The following KCTD16 variants were observed in gnomAD, a reference collection of about 807,000 sequenced individuals.
The protein encoded by KCTD16 is potassium channel tetramerization domain containing 16.
KCTD16 carries 13 observed loss-of-function variants against 33.2 expected under a neutral mutation model. The ratio of observed to expected loss-of-function variants is 0.39; its 90% confidence interval spans 0.25 to 0.62. The LOEUF (loss-of-function observed/expected upper bound fraction) is 0.62, where lower values mean the gene tolerates loss of function less well. Among genes scored for constraint, KCTD16 ranks in the 20% least tolerant of loss-of-function variants. The pLI, the probability that KCTD16 is intolerant of heterozygous loss-of-function variation, is 0.50. For missense variants in KCTD16, 441 were observed against 525.1 expected (o/e 0.84, Z 1.57); for synonymous variants, 197 against 195.3 (o/e 1.01, Z -0.07).
chr5:144,213,942 T>C (rs1454379445), intron 3 of KCTD16, among the ~76,000 whole-genome samples: 1 of 152,208 alleles, frequency 6.6e-6, no homozygotes, highest in Non-Finnish European at 1.5e-5. Context: ...CTTACCAAGA[T>C]GTGCAGTGGG....
chr5:144,425,340 C>T (rs1055820057), intron 3 of KCTD16, among the ~76,000 whole-genome samples: 1 of 151,960 alleles, frequency 6.6e-6, no homozygotes, highest in Non-Finnish European at 1.5e-5. Flanking sequence ...AGGCCTATAG[C>T]CTTGTTGGGC....
At chr5:144,352,447 AAC>A (rs1282630372) in intron 3 of KCTD16, among the ~76,000 whole-genome samples, 9 of 152,178 alleles carry the variant, frequency 5.9e-5, no homozygotes, top group African/African-American at 1.9e-4. Flanking sequence ...TCCCACCCCA[AAC>A]ACTGGTGACA....
chr5:144,280,215 T>A (rs115308627), intron 3 of KCTD16, among the ~76,000 whole-genome samples: 4,398 of 152,280 alleles, frequency 0.029, 94 homozygotes, highest in Middle Eastern at 0.061. Flanking sequence ...TCCTTTCCTA[T>A]TTTCTGGAAG....
intron 3 of KCTD16, chr5:144,383,087 T>A (rs564211503): frequency 1.3e-5 from 2 of 152,294 alleles, no homozygotes; most frequent in Non-Finnish European, 2.9e-5. Context: ...AACCTGCAAA[T>A]TCACTGTCTG....
chr5:144,360,255 C>T (rs1450788840), intron 3 of KCTD16, among the ~76,000 whole-genome samples: 1 of 152,110 alleles, frequency 6.6e-6, no homozygotes, highest in Non-Finnish European at 1.5e-5. Context: ...CCCCTAGCCT[C>T]CTACCCCCCA....
chr5:144,200,690 C>T (rs886174546), intron 2 of KCTD16, among the ~76,000 whole-genome samples: 3 of 152,204 alleles, frequency 2.0e-5, no homozygotes, highest in African/African-American at 2.4e-5. Flanking sequence ...AGGCTAAATA[C>T]GGCACTAGGG....
intron 1 of KCTD16, among the ~76,000 whole-genome samples, chr5:144,172,801 G>A (rs1443713962): frequency 1.3e-5 from 2 of 152,092 alleles, no homozygotes; most frequent in African/African-American, 4.8e-5. Flanking sequence ...ATGAAGCTGT[G>A]TTTCGAGTCA....
At chr5:144,421,238 C>CA (rs1181145974) in intron 3 of KCTD16, among the ~76,000 whole-genome samples, 1 of 152,050 alleles carries the variant, frequency 6.6e-6, no homozygotes, top group Admixed American at 6.6e-5. Context: ...CAAAACAAAA[C>CA]AAAAAACAAA....
intron 3 of KCTD16, among the ~76,000 whole-genome samples, chr5:144,372,300 G>T (rs1156465656): frequency 6.6e-6 from 1 of 151,932 alleles, no homozygotes. Flanking sequence ...CCCTATGGTG[G>T]TTTCAGAGTA....
chr5:144,484,813 T>A lies in KCTD16; in HGVS notation c.*10699T>A, dbSNP rs1455918874. On this transcript the variant is annotated 3_prime_UTR_variant, in exon 4 of 4. Transcript: ENST00000512467. ...ACAAGTGACACCCAATGAAATTACC[T>A]CTTCTCCTTTCCAATGCAGTTCGCT... The A allele has an allele frequency of 2.0e-5, 3 of 152,102 alleles. No homozygotes were observed. The East Asian group carries it at 5.8e-4, about 30-fold the overall frequency. 9.4% of individuals were successfully genotyped at this position (152,102 alleles called of 1,614,324 possible). A position where few individuals can be genotyped will look rare whatever the true frequency, so the allele number is the denominator to read the frequency against.
intron 3 of KCTD16, among the ~76,000 whole-genome samples, chr5:144,243,750 T>C (rs1306225633): frequency 1.3e-5 from 2 of 151,508 alleles, no homozygotes; most frequent in Non-Finnish European, 2.9e-5. Context: ...TTTTGTTTTG[T>C]TTTTTTTAGA....
intron 2 of KCTD16, among the ~76,000 whole-genome samples, chr5:144,201,320 C>G (rs1753040699): frequency 6.6e-6 from 1 of 152,192 alleles, no homozygotes; most frequent in Admixed American, 6.5e-5. Flanking sequence ...CACCCCATCT[C>G]CCTCACCAAA....
intron 3 of KCTD16, among the ~76,000 whole-genome samples, chr5:144,344,596 A>G (rs1283938361): frequency 1.3e-5 from 2 of 151,606 alleles, no homozygotes; most frequent in Non-Finnish European, 2.9e-5. Flanking sequence ...CAAAAAACAC[A>G]TGAAAAAATG....
intron 2 of KCTD16, among the ~76,000 whole-genome samples, chr5:144,194,580 A>C (rs1228424937): frequency 6.6e-6 from 1 of 152,250 alleles, no homozygotes; most frequent in Non-Finnish European, 1.5e-5. Context: ...TGTTTGTAAT[A>C]GCAAATGATA....
intron 3 of KCTD16, among the ~76,000 whole-genome samples, chr5:144,309,405 A>C (rs1320479510): frequency 6.6e-6 from 1 of 151,706 alleles, no homozygotes; most frequent in Non-Finnish European, 1.5e-5. Context: ...ATAGCAGTTC[A>C]AGGTCAAGCC....
intron 3 of KCTD16, among the ~76,000 whole-genome samples, chr5:144,365,623 A>C (rs1751815694): frequency 6.6e-6 from 1 of 152,174 alleles, no homozygotes; most frequent in African/African-American, 2.4e-5. Flanking sequence ...TTCTTGAGAA[A>C]TCCTTGTGTT....
At chr5:144,336,895 G>T (rs933630428) in intron 3 of KCTD16, among the ~76,000 whole-genome samples, 2 of 151,820 alleles carry the variant, frequency 1.3e-5, no homozygotes, top group Non-Finnish European at 2.9e-5. Flanking sequence ...TGAGATCCCG[G>T]TAATTCAAAA....
intron 3 of KCTD16, among the ~76,000 whole-genome samples, chr5:144,320,613 A>T (rs1348750412): frequency 6.6e-6 from 1 of 152,216 alleles, no homozygotes; most frequent in Admixed American, 6.5e-5. Context: ...TGTTTAAAGG[A>T]AAGTTTTAAT....
At chr5:144,243,198 T>G (rs1401311641) in intron 3 of KCTD16, among the ~76,000 whole-genome samples, 1 of 152,114 alleles carries the variant, frequency 6.6e-6, no homozygotes, top group Admixed American at 6.5e-5. Flanking sequence ...TTATTACTTT[T>G]GATGTGGATC....
Sources: allele counts gnomAD v4.1 joint callset (sites outside exome capture counted in the v4.1 genomes callset), GRCh38; gene constraint gnomAD v4.1.1; transcripts MANE v1.5; gene names NCBI Gene and HGNC (gene_info 2026-07-23, HGNC 2026-07-21).